LARGE1: variants seen among roughly 807,000 people sequenced by gnomAD.
LARGE1 encodes xylosyl- and glucuronyltransferase LARGE1.
Under a neutral mutation model 87.6 loss-of-function variants are expected in LARGE1, and 43 were observed. The ratio of observed to expected loss-of-function variants is 0.49; its 90% CI spans 0.38 to 0.63. The LOEUF is 0.63. LARGE1 is among the 30% of genes least tolerant of loss of function. The pLI is 0.00. For missense variants in LARGE1, 802 were observed against 1,000.2 expected (o/e 0.80, Z 2.67); for synonymous variants, 434 against 394.6 (o/e 1.10, Z -1.18).
intron 1 of LARGE1, among the ~76,000 whole-genome samples, chr22:33,897,034 TTTC>T (rs2065163590): frequency 6.6e-6 from 1 of 152,164 alleles, no homozygotes; most frequent in Non-Finnish European, 1.5e-5. Context: ...ACTTCCTGGA[TTTC>T]TTCACCCCAA....
chr22:33,276,255 C>T (rs1175942470), intron 14 of LARGE1, among the ~76,000 whole-genome samples: 5 of 151,466 alleles, frequency 3.3e-5, no homozygotes, highest in African/African-American at 4.9e-5. Flanking sequence ...CCGAGGAATC[C>T]TTCTTCTAAT....
In LARGE1 at chr22:33,626,040, C is replaced by T. The variant is rs117818422; in HGVS notation, c.491+204G>A. Reference sequence around the variant, plus strand: ...TGCATTAGGTCTGAGAGTTACAATTCTAAACATGGCAAGACAGCACCTAAT... The same window carrying T: ...TGCATTAGGTCTGAGAGTTACAATTTTAAACATGGCAAGACAGCACCTAAT... On this transcript the variant is annotated intron_variant, in intron 4 of 14. Coordinates refer to ENST00000397394, the MANE Select transcript of LARGE1 (RefSeq NM_133642.5). Among the ~76,000 whole-genome samples, 1,765 of 152,326 alleles carry T rather than the reference C, an allele frequency of 0.012. 18 individuals are homozygous for T. The highest frequency in any genetic ancestry group is 0.027 in the South Asian group (132 of 4,822).
intron 11 of LARGE1, among the ~76,000 whole-genome samples, chr22:33,225,476 A>G (rs1228821149): frequency 6.6e-6 from 1 of 152,188 alleles, no homozygotes; most frequent in East Asian, 1.9e-4. Context: ...TAATCAGATA[A>G]TATAAGCACT....
intron 1 of LARGE1, among the ~76,000 whole-genome samples, chr22:33,893,869 A>G (rs13055480): frequency 0.19 from 29,576 of 152,134 alleles, 3,019 homozygotes; most frequent in Middle Eastern, 0.25. Flanking sequence ...CCTATTATTA[A>G]GGCCCGCTGA....
In LARGE1 at chr22:33,850,713, G is replaced by A. The variant is rs571604290; in HGVS notation, c.-83+69282C>T. ...AACACATTTTCCCATTTAAATCCTT[G>A]AACAACCAAGTCTGACTCAGAGTGG... On this transcript the variant is annotated intron_variant, in intron 1 of 14. Transcript: ENST00000397394. Among the ~76,000 whole-genome samples, 12 of 152,166 alleles carry A rather than the reference G, an allele frequency of 7.9e-5. No homozygotes were observed. In the South Asian group the frequency reaches 2.5e-3, roughly 32 times the overall value.
chr22:33,628,867 G>A (rs551537902), intron 3 of LARGE1, among the ~76,000 whole-genome samples: 18 of 152,232 alleles, frequency 1.2e-4, no homozygotes, highest in Admixed American at 9.8e-4. Context: ...TGGGGGGCAG[G>A]GGGATGCTAC....
chr22:33,420,969 C>A (rs1399320113), intron 7 of LARGE1, among the ~76,000 whole-genome samples: 1 of 152,108 alleles, frequency 6.6e-6, no homozygotes, highest in African/African-American at 2.4e-5. Context: ...GGGTGAATCA[C>A]CTGAGGTCAG....
intron 1 of LARGE1, among the ~76,000 whole-genome samples, chr22:33,845,528 G>C (rs4821192): frequency 1.3e-5 from 2 of 151,704 alleles, no homozygotes; most frequent in Non-Finnish European, 2.9e-5. Context: ...GGCTGGTCTC[G>C]AACTCCTGAC....
the LARGE1 span, among the ~76,000 whole-genome samples, chr22:33,117,427 A>G: frequency 6.1e-5 from 7 of 114,382 alleles, no homozygotes; most frequent in Admixed American, 7.5e-4. Context: ...CTTCTCTCAC[A>G]TTATTAACTT....
At chr22:33,366,529 A>C (rs1295011816) in intron 9 of LARGE1, among the ~76,000 whole-genome samples, 2 of 152,224 alleles carry the variant, frequency 1.3e-5, no homozygotes, top group African/African-American at 4.8e-5. Flanking sequence ...TCCTGGAACA[A>C]ACCCAACTTG....
intron 6 of LARGE1, among the ~76,000 whole-genome samples, chr22:33,458,252 C>A (rs982574491): frequency 6.6e-6 from 1 of 151,368 alleles, no homozygotes; most frequent in African/African-American, 2.4e-5. Context: ...ACTACAGGTG[C>A]TGCCACCACG....
rs1245563945 is a variant in LARGE1 at position 33,432,675 on chromosome 22, C to T, written c.788-410G>A. ...AGGCATACTATTTCTCAAGCATTCC[C>T]ATTCTGGTATTTCCCACTGTACATT... On this transcript the variant is annotated intron_variant, in intron 6 of 14. Coordinates refer to ENST00000397394, the MANE Select transcript of LARGE1 (RefSeq NM_133642.5). Among the ~76,000 whole-genome samples, 2 of 152,236 alleles carry T rather than the reference C, an allele frequency of 1.3e-5. 1 individual carries two copies. Among genetic ancestry groups the T allele is most frequent in the African/African-American group, 4.8e-5 (2 of 41,550 alleles).
At chr22:33,220,115 C>T (rs1333343197) in intron 11 of LARGE1, among the ~76,000 whole-genome samples, 4 of 152,176 alleles carry the variant, frequency 2.6e-5, no homozygotes, top group Non-Finnish European at 5.9e-5. Context: ...GCAGAGGGCT[C>T]CTGTGAGAAC....
At position 33,467,322 on chromosome 22, in the gene LARGE1, T is replaced by C. The variant is rs575397179; in HGVS notation, c.788-35057A>G. 5.9e-5 allele frequency among the ~76,000 whole-genome samples: 9 copies of C among 152,324 alleles called. No individual in the cohort carries two copies. In the South Asian group the frequency reaches 1.9e-3, roughly 32 times the overall value. On this transcript the variant is annotated intron_variant, in intron 6 of 14. Transcript: ENST00000397394. ...TGGTGTTGGCTGATAAGGGACCCAGTGATTATTGGCAAAAGTCCTCCAATC... is the reference window on the plus strand; with the variant it reads ...TGGTGTTGGCTGATAAGGGACCCAGCGATTATTGGCAAAAGTCCTCCAATC...
the LARGE1 span, among the ~76,000 whole-genome samples, chr22:33,082,431 A>G: frequency 6.6e-6 from 1 of 152,164 alleles, no homozygotes; most frequent in Non-Finnish European, 1.5e-5. Context: ...TGAACAAGAG[A>G]AAGATGGAGA....
chr22:33,420,243 G>A (rs892395761), intron 7 of LARGE1, among the ~76,000 whole-genome samples: 1 of 152,082 alleles, frequency 6.6e-6, no homozygotes, highest in Non-Finnish European at 1.5e-5. Flanking sequence ...GCCTAATACA[G>A]GCCAGGCATG....
chr22:33,396,463 C>CAGAGAGAGAGAG (rs3071529), intron 7 of LARGE1, among the ~76,000 whole-genome samples: 3,796 of 104,608 alleles, frequency 0.036, 177 homozygotes, highest in Admixed American at 0.098. Context: ...GAGAGAGTGA[C>CAGAGAGAGAGAG]AGAGAGAGAG....
At chr22:33,170,746 G>C (rs548706486) in intron 11 of LARGE1, among the ~76,000 whole-genome samples, 84 of 152,176 alleles carry the variant, frequency 5.5e-4, no homozygotes, top group African/African-American at 1.9e-3. Flanking sequence ...CCCCATCTTG[G>C]TATCTTTATA....
At chr22:33,808,553 G>A (rs991801793) in intron 1 of LARGE1, among the ~76,000 whole-genome samples, 2 of 151,760 alleles carry the variant, frequency 1.3e-5, no homozygotes, top group Non-Finnish European at 2.9e-5. Flanking sequence ...CAGTATTTAT[G>A]GAATGTTTAC....
Sources: allele counts gnomAD v4.1 joint callset (sites outside exome capture counted in the v4.1 genomes callset), GRCh38; gene constraint gnomAD v4.1.1; transcripts MANE v1.5; gene names NCBI Gene and HGNC (gene_info 2026-07-23, HGNC 2026-07-21).